Variants in USP9X observed in about 807,000 individuals in gnomAD.
USP9X encodes ubiquitin carboxyl-terminal hydrolase 9X.
USP9X carries 7 observed loss-of-function variants against 190.3 expected under a neutral mutation model. The observed-to-expected ratio is 0.04, with a 90% CI of 0.02 to 0.07. The LOEUF is 0.07. Among genes scored for constraint, USP9X ranks in the 10% least tolerant of loss-of-function variants. The probability of loss-of-function intolerance (pLI) is 1.00; values close to 1 mark genes in which losing one functional copy is unlikely to be tolerated. For missense variants in USP9X, 1,010 were observed against 1,916.9 expected (o/e 0.53, Z 8.83); for synonymous variants, 645 against 659.5 (o/e 0.98, Z 0.34).
At chrX:41,178,040 T>C (rs2062791222) in intron 21 of USP9X, among the ~76,000 whole-genome samples, 1 of 107,913 alleles carries the variant, frequency 9.3e-6, no homozygotes, top group South Asian at 4.1e-4. Context: ...TTCCAGAGTT[T>C]TTAGAAGGAA....
Position 41,165,772 on chromosome X carries a change from A to G in USP9X, c.1986-100A>G. The G allele has an allele frequency of 2.9e-5, 19 of 652,620 alleles. 1 individual carries two copies. The South Asian group carries it at 6.5e-4, about 22-fold the overall frequency. 53.8% of individuals were successfully genotyped at this position (652,620 alleles called of 1,213,427 possible). A position where few individuals can be genotyped will look rare whatever the true frequency, so the allele number is the denominator to read the frequency against. Reference sequence around the variant, plus strand: ...AATGAATATCTTTTTATCTATAGTTAAAATATAATGGTGATAAATGTATTT... The same window carrying G: ...AATGAATATCTTTTTATCTATAGTTGAAATATAATGGTGATAAATGTATTT... On this transcript the variant is annotated intron_variant, in intron 15 of 44. Transcript: ENST00000378308.
intron 1 of USP9X, among the ~76,000 whole-genome samples, chrX:41,119,594 G>A (rs756363915): frequency 3.4e-4 from 38 of 111,827 alleles, no homozygotes; most frequent in African/African-American, 1.2e-3. Flanking sequence ...AGAAAAAGAA[G>A]AAACTGGAGC....
chrX:41,101,792 A>G (rs1250010197), intron 1 of USP9X, among the ~76,000 whole-genome samples: 10 of 112,947 alleles, frequency 8.9e-5, no homozygotes, highest in African/African-American at 3.2e-4. Context: ...TCCATTGTCC[A>G]TCAAGTGATG....
chrX:41,203,998 A>G (rs948824254), intron 31 of USP9X, among the ~76,000 whole-genome samples: 7 of 111,829 alleles, frequency 6.3e-5, no homozygotes, highest in African/African-American at 2.3e-4. Context: ...ATATGCGGCC[A>G]AATTTTTTGA....
chrX:41,159,281 A>G (rs928023392), intron 14 of USP9X, among the ~76,000 whole-genome samples: 8 of 111,756 alleles, frequency 7.2e-5, no homozygotes, highest in Non-Finnish European at 1.5e-4. Flanking sequence ...CTAGGGTGAC[A>G]AAAAAGACAA....
Position 41,115,613 on chromosome X carries a change from C to A in USP9X, c.-158-7858C>A, listed in dbSNP as rs908583867. On this transcript the variant is annotated intron_variant, in intron 1 of 44. Transcript: ENST00000378308. The stretch of plus-strand genomic sequence containing the variant: ...GCTGTTGCTTGTTTATTGTCTCTAT[C>A]CCCAGTCTGTAATGTTCCACAAAAG... Among the ~76,000 whole-genome samples the A allele has an allele frequency of 3.6e-5, 4 of 111,991 alleles. No homozygotes were observed. In the East Asian group the frequency reaches 8.4e-4, roughly 24 times the overall value.
At chrX:41,201,432 C>G in intron 31 of USP9X, 152 bp downstream of exon 31, 2 of 535,998 alleles carry the variant, frequency 3.7e-6, no homozygotes, top group Non-Finnish European at 5.8e-6. Context: ...GTCTCAGCTA[C>G]TCAGGAAACT....
chrX:41,106,549 T>TTA (rs1429476325), intron 1 of USP9X, among the ~76,000 whole-genome samples: 2 of 90,294 alleles, frequency 2.2e-5, no homozygotes, highest in South Asian at 5.6e-4. Flanking sequence ...TTTTTTTTTT[T>TTA]AGACAGAGTC....
At chrX:41,164,925 C>T (rs1271070563) in intron 15 of USP9X, among the ~76,000 whole-genome samples, 6 of 111,620 alleles carry the variant, frequency 5.4e-5, no homozygotes, top group African/African-American at 2.0e-4. Context: ...TTTTTCCTTT[C>T]TTTTTCCTCT....
rs1158519140 is a variant in USP9X, at chrX:41,161,329, C to CTTTTTTTTTTTT, written c.1898-1445_1898-1434dup. 3.4e-4 allele frequency among the ~76,000 whole-genome samples: 11 copies of CTTTTTTTTTTTT among 32,468 alleles called. 2 individuals carry two copies. The highest frequency in any genetic ancestry group is 1.4e-3 in the African/African-American group (9 of 6,650). 28.2% of individuals were successfully genotyped at this position (32,468 alleles called of 115,157 possible). ...GTAAAGAGTATAAGAGAATTCTTGC[C>CTTTTTTTTTTTT]TTTTTTTTTTTTTTTTTTTTTTTTT... On this transcript the variant is annotated intron_variant, in intron 14 of 44. Transcript: ENST00000378308.
At chrX:41,087,053 C>T (rs1041097870) in intron 1 of USP9X, among the ~76,000 whole-genome samples, 1 of 112,582 alleles carries the variant, frequency 8.9e-6, no homozygotes, top group African/African-American at 3.2e-5. Context: ...TTAAATTAAG[C>T]ATGTTATTTT....
chrX:41,181,674 C>G (rs1569182827), intron 21 of USP9X, among the ~76,000 whole-genome samples: 1 of 109,009 alleles, frequency 9.2e-6, no homozygotes, highest in East Asian at 2.9e-4. Flanking sequence ...GTCTTGAACT[C>G]CTGACCTCAA....
intron 33 of USP9X, among the ~76,000 whole-genome samples, chrX:41,214,159 G>A (rs1197145020): frequency 8.9e-6 from 1 of 112,095 alleles, no homozygotes; most frequent in Non-Finnish European, 1.9e-5. Flanking sequence ...CTTATTCGTA[G>A]TTTATCATTT....
Position 41,188,066 on chromosome X carries a change from G to C in USP9X, c.3759G>C (p.Ser1253=). The C allele has an allele frequency of 8.3e-7, 1 of 1,208,928 alleles. No homozygotes were observed. The highest frequency in any genetic ancestry group is 3.0e-5 in the East Asian group (1 of 33,820). The change falls in exon 25 of 45, where the codon TCG becomes TCC. Residue 1253 remains serine (S), a synonymous_variant. Transcript: ENST00000378308. The part of the protein sequence containing the change: ...QKIIWASGCG[S]LQLVFSPNEE... ...TTATCTGGGCATCAGGATGTGGGTC[G>C]TTACAGCTAGTATTTAGCCCAAATG...
chrX:41,212,171 T>G (rs1432878399), intron 33 of USP9X, among the ~76,000 whole-genome samples: 2 of 109,627 alleles, frequency 1.8e-5, no homozygotes, highest in Non-Finnish European at 3.8e-5. Flanking sequence ...CCCCCAACCC[T>G]GTGCTCTCTG....
rs979092582 is a variant in USP9X, at chrX:41,085,869, AAGGAGG to A, written c.-389_-384del. 3.0e-5 allele frequency: 9 copies of A among 297,081 alleles called. No homozygotes were observed. The highest frequency in any genetic ancestry group is 5.3e-5 in the Non-Finnish European group (9 of 170,570). 24.5% of individuals were successfully genotyped at this position (297,081 alleles called of 1,213,427 possible). On this transcript the variant is annotated 5_prime_UTR_variant, in exon 1 of 45. Transcript: ENST00000378308. ...AAGGGGAAGAGGGCCGTCGCCGGCC[AAGGAGG>A]AGGAGGAGGCGGGCGCGGCGAGGAG...
At chrX:41,206,539 A>G (rs1272580590) in intron 32 of USP9X, among the ~76,000 whole-genome samples, 1 of 110,852 alleles carries the variant, frequency 9.0e-6, no homozygotes, top group Non-Finnish European at 1.9e-5. Flanking sequence ...AATTTTGTTG[A>G]TGGAATCCCT....
rs1229783094 is a variant in USP9X at position 41,197,590 on chromosome X, A to G, written c.4380+80A>G. On this transcript the variant is annotated intron_variant, in intron 29 of 44. Coordinates refer to ENST00000378308, the MANE Select transcript of USP9X (RefSeq NM_001039591.3). The stretch of plus-strand genomic sequence containing the variant: ...TAATCAAATTTAATTAATTTATAGT[A>G]GTATCATGTCTTTGTACTTTCTTGA... 3 of 876,004 alleles carry G rather than the reference A, an allele frequency of 3.4e-6. No homozygotes were observed. In the African/African-American group the frequency reaches 6.3e-5, roughly 18 times the overall value. 72.2% of individuals were successfully genotyped at this position (876,004 alleles called of 1,213,427 possible).
chrX:41,226,797 C>G (rs1355141093), intron 41 of USP9X, among the ~76,000 whole-genome samples: 1 of 111,472 alleles, frequency 9.0e-6, no homozygotes, highest in Non-Finnish European at 1.9e-5. Flanking sequence ...TTAATGAAAT[C>G]TAACTTTTAC....
Sources: gnomAD v4.1 joint callset for allele counts (sites outside exome capture counted in the v4.1 genomes callset) on GRCh38, gnomAD v4.1.1 for gene constraint, MANE v1.5 for transcripts, NCBI Gene and HGNC (gene_info 2026-07-23, HGNC 2026-07-21) for gene names.